Variants in LZTS1 observed in about 807,000 individuals in gnomAD.
LZTS1 encodes the protein leucine zipper putative tumor suppressor 1.
Under a neutral mutation model 45.8 loss-of-function variants are expected in LZTS1, and 31 were observed. The observed-to-expected ratio is 0.68, with a 90% confidence interval of 0.51 to 0.91. The LOEUF is 0.91. LZTS1 is among the 40% of genes least tolerant of loss of function. LZTS1 has a pLI of 0.00. For synonymous variants in LZTS1, 359 were observed against 357.3 expected, an observed-to-expected ratio of 1.00 and a Z score of -0.05; for missense variants, 821 against 788.9, an observed-to-expected ratio of 1.04 and a Z score of -0.49.
chr8:20,273,792 T>A (rs1800522583), intron 1 of LZTS1, among the ~76,000 whole-genome samples: 1 of 149,264 alleles, frequency 6.7e-6, no homozygotes, highest in Admixed American at 6.7e-5. Context: ...TTTTTTTTCC[T>A]AGCTCTCCCA....
At chr8:20,268,813 G>A (rs1585289639) in intron 1 of LZTS1, among the ~76,000 whole-genome samples, 1 of 152,156 alleles carries the variant, frequency 6.6e-6, no homozygotes, top group Non-Finnish European at 1.5e-5. Flanking sequence ...TCTCAATTAA[G>A]TGCACTTGGA....
At chr8:20,286,114 G>T (rs1800787303) in intron 1 of LZTS1, among the ~76,000 whole-genome samples, 1 of 152,016 alleles carries the variant, frequency 6.6e-6, no homozygotes, top group Non-Finnish European at 1.5e-5. Flanking sequence ...TCTTGGCCAG[G>T]TCATTAAAAA....
intron 1 of LZTS1, among the ~76,000 whole-genome samples, chr8:20,256,614 G>A (rs975058299): frequency 6.6e-6 from 1 of 152,132 alleles, no homozygotes; most frequent in Non-Finnish European, 1.5e-5. Flanking sequence ...GTGAGACCCT[G>A]TCTCTAAAAA....
At position 20,297,626 on chromosome 8, in the gene LZTS1, G is replaced by A. The variant is rs553351519; in HGVS notation, c.-135+6114C>T. Among the ~76,000 whole-genome samples the A allele has an allele frequency of 3.9e-5, 6 of 152,256 alleles. No individual in the cohort carries two copies. The East Asian group carries it at 1.2e-3, about 29-fold the overall frequency. ...AGATGGGATTTCGCCATGTTGACCAGGCTTGTCTGGAACTCCTGACCTCTG... is the reference window on the plus strand; with the variant it reads ...AGATGGGATTTCGCCATGTTGACCAAGCTTGTCTGGAACTCCTGACCTCTG... On this transcript the variant is annotated intron_variant, in intron 1 of 3. Coordinates refer to ENST00000381569, the MANE Select transcript of LZTS1 (RefSeq NM_021020.5).
Position 20,246,644 on chromosome 8 carries a change from C to A in LZTS1, c.*3078G>T, listed in dbSNP as rs1210410734. 1 of 152,168 alleles carries A rather than the reference C, an allele frequency of 6.6e-6. No individual in the cohort carries two copies. The highest frequency in any genetic ancestry group is 1.5e-5 in the Non-Finnish European group (1 of 68,064). The allele number at this position is 152,168 out of a possible 1,614,324, so 9.4% of individuals were successfully genotyped here. ...GGAAGAGATGCCCCCATATCCCAGT[C>A]CCATGTGAGCTCAGTGCTATAGGGG... On this transcript the variant is annotated 3_prime_UTR_variant, in exon 4 of 4. Coordinates refer to ENST00000381569, the MANE Select transcript of LZTS1 (RefSeq NM_021020.5).
intron 1 of LZTS1, among the ~76,000 whole-genome samples, chr8:20,280,608 T>C (rs890053245): frequency 6.6e-6 from 1 of 152,180 alleles, no homozygotes; most frequent in African/African-American, 2.4e-5. Flanking sequence ...CCTTCCCCTT[T>C]AATAGCTGGG....
At chr8:20,258,449 C>T (rs1800156288) in intron 1 of LZTS1, among the ~76,000 whole-genome samples, 1 of 152,134 alleles carries the variant, frequency 6.6e-6, no homozygotes, top group Non-Finnish European at 1.5e-5. Flanking sequence ...AATATCTAGG[C>T]TTCGATTCAA....
chr8:20,261,315 AAAG>A (rs2128894308), intron 1 of LZTS1, among the ~76,000 whole-genome samples: 1 of 152,196 alleles, frequency 6.6e-6, no homozygotes, highest in South Asian at 2.1e-4. Flanking sequence ...GAAAAAGAGA[AAAG>A]AAACCCAAAG....
At chr8:20,275,320 T>G (rs1297687634) in intron 1 of LZTS1, among the ~76,000 whole-genome samples, 1 of 144,712 alleles carries the variant, frequency 6.9e-6, no homozygotes. Flanking sequence ...GAGAATCACT[T>G]GAACCCGGGA....
intron 1 of LZTS1, among the ~76,000 whole-genome samples, chr8:20,263,747 G>A (rs754670252): frequency 6.6e-6 from 1 of 152,104 alleles, no homozygotes; most frequent in Non-Finnish European, 1.5e-5. Context: ...TGGAAGAAGG[G>A]GTCTGGGTGG....
Position 20,303,922 on chromosome 8 carries a change from G to C in LZTS1, c.-317C>G. ...AGAGAAACTTTCGGCCTCCCCGCCC[G>C]GCCGCTGCCAACCCGCCAGCTCCAG... On this transcript the variant is annotated 5_prime_UTR_variant, in exon 1 of 4. Coordinates refer to ENST00000381569, the MANE Select transcript of LZTS1 (RefSeq NM_021020.5). 1 of 983,800 alleles carries C rather than the reference G, an allele frequency of 1.0e-6. No homozygotes were observed. Among genetic ancestry groups the C allele is most frequent in the Non-Finnish European group, 1.2e-6 (1 of 829,270 alleles). The allele number at this position is 983,800 out of a possible 1,614,324, so 60.9% of individuals were successfully genotyped here.
Position 20,273,171 on chromosome 8 carries a change from C to T in LZTS1, c.-134-17856G>A, listed in dbSNP as rs568388100. ...TCGGCGGCTCTGTCTCTTTCTTTTT[C>T]GGTCTGTGTTTTTTGAAACACTGCT... On this transcript the variant is annotated intron_variant, in intron 1 of 3. Transcript: ENST00000381569. Among the ~76,000 whole-genome samples, 561 of 152,264 alleles carry T rather than the reference C, an allele frequency of 3.7e-3. 5 individuals carry two copies. Among genetic ancestry groups the T allele is most frequent in the South Asian group, 5.2e-3 (25 of 4,818 alleles).
intron 1 of LZTS1, among the ~76,000 whole-genome samples, chr8:20,302,162 C>T (rs192052453): frequency 3.2e-4 from 48 of 152,170 alleles, no homozygotes; most frequent in African/African-American, 1.2e-3. Context: ...GAGCCCACCG[C>T]ACCAACCTGG....
chr8:20,261,932 C>T (rs1210874904), intron 1 of LZTS1, among the ~76,000 whole-genome samples: 7 of 152,220 alleles, frequency 4.6e-5, no homozygotes, highest in African/African-American at 1.4e-4. Context: ...GTTATTTCCC[C>T]TCCTGCTCCC....
chr8:20,286,125 A>G (rs1216953762), intron 1 of LZTS1, among the ~76,000 whole-genome samples: 1 of 152,254 alleles, frequency 6.6e-6, no homozygotes, highest in Non-Finnish European at 1.5e-5. Flanking sequence ...TCATTAAAAA[A>G]GCACTATTCT....
intron 1 of LZTS1, among the ~76,000 whole-genome samples, chr8:20,281,672 C>CCT (rs924724421): frequency 6.6e-6 from 1 of 151,880 alleles, no homozygotes; most frequent in African/African-American, 2.4e-5. Flanking sequence ...GCTGGCATCT[C>CCT]CTCTCTCTCT....
chr8:20,278,894 C>G (rs932625234), intron 1 of LZTS1, among the ~76,000 whole-genome samples: 2 of 152,214 alleles, frequency 1.3e-5, no homozygotes, highest in Admixed American at 6.5e-5. Flanking sequence ...CCTCGGAGAT[C>G]TGTACTCACT....
intron 1 of LZTS1, among the ~76,000 whole-genome samples, chr8:20,273,151 G>T (rs181491509): frequency 6.6e-6 from 1 of 152,062 alleles, no homozygotes; most frequent in African/African-American, 2.4e-5. Context: ...ACCTCTCGGC[G>T]GCTCTGTCTC....
chr8:20,275,511 T>G (rs953314894), intron 1 of LZTS1, among the ~76,000 whole-genome samples: 2 of 143,730 alleles, frequency 1.4e-5, no homozygotes, highest in African/African-American at 2.6e-5. Flanking sequence ...GGGCTGGGAG[T>G]TGGGGAAGGG....
Sources: gnomAD v4.1 joint callset for allele counts (sites outside exome capture counted in the v4.1 genomes callset) on GRCh38, gnomAD v4.1.1 for gene constraint, MANE v1.5 for transcripts, NCBI Gene and HGNC (gene_info 2026-07-23, HGNC 2026-07-21) for gene names.